The following THADA variants were observed in gnomAD, a reference collection of about 807,000 sequenced individuals.
THADA encodes tRNA (32-2'-O)-methyltransferase regulator THADA.
THADA carries 213 observed loss-of-function variants against 219.8 expected under a neutral mutation model. The observed-to-expected ratio is 0.97, with a 90% CI of 0.87 to 1.09. The LOEUF is 1.09. THADA is among the 50% of genes least tolerant of loss of function. THADA has a pLI of 0.00. For missense variants in THADA, 2,956 were observed against 2,311.3 expected (o/e 1.28, Z -5.72); for synonymous variants, 1,018 against 828.9 (o/e 1.23, Z -3.92).
Position 43,508,712 on chromosome 2 carries a change from C to G in THADA, c.3443G>C (p.Cys1148Ser). 6.2e-7 allele frequency: 1 copy of G among 1,613,744 alleles called. No homozygotes were observed. Among genetic ancestry groups the G allele is most frequent in the Non-Finnish European group, 8.5e-7 (1 of 1,179,728 alleles). ...WLWSVLEEIK[C>S]SDPSSKLCAT... ...ACAGAGTTTAGATGAAGGATCACTG[C>G]ATTTAATTTCCTCTAAAACACTCCA... Residue 1148 changes from cysteine to serine, a missense_variant, in exon 23 of 38, where the codon TGC becomes TCC. Physicochemically the swap from Cys to Ser is moderately radical, Grantham distance 112. Transcript: ENST00000405975.
At chr2:43,389,472 A>G (rs1223715025) in intron 29 of THADA, among the ~76,000 whole-genome samples, 1 of 152,130 alleles carries the variant, frequency 6.6e-6, no homozygotes, top group African/African-American at 2.4e-5. Context: ...AACCATAATA[A>G]TAATAAAACA....
intron 26 of THADA, among the ~76,000 whole-genome samples, chr2:43,446,820 A>C (rs1172145584): frequency 6.6e-6 from 1 of 152,160 alleles, no homozygotes; most frequent in East Asian, 1.9e-4. Context: ...TACTATATTG[A>C]TTCTCTCATA....
intron 16 of THADA, among the ~76,000 whole-genome samples, chr2:43,559,041 C>G (rs542293580): frequency 2.6e-5 from 4 of 152,130 alleles, no homozygotes; most frequent in South Asian, 4.1e-4. Flanking sequence ...CATAATATGC[C>G]TTCTCCATCC....
At position 43,338,079 on chromosome 2, in the gene THADA, C is replaced by T. The variant is rs7557583; in HGVS notation, c.4343+6043G>A. 5.0e-3 allele frequency among the ~76,000 whole-genome samples: 752 copies of T among 151,004 alleles called. 7 individuals carry two copies. Among genetic ancestry groups the T allele is most frequent in the African/African-American group, 0.017 (714 of 41,124 alleles). On this transcript the variant is annotated intron_variant, in intron 30 of 37. Coordinates refer to ENST00000405975, the MANE Select transcript of THADA (RefSeq NM_022065.5). ...GAAATATACATAATATAAACTTTAC[C>T]ATCTTATCCATTTTTGAGTGTACAG...
rs1463898703 is a variant in THADA at position 43,345,771 on chromosome 2, A to T, written c.4228-1534T>A. 2.0e-5 allele frequency among the ~76,000 whole-genome samples: 3 copies of T among 152,186 alleles called. No homozygotes were observed. The South Asian group carries it at 6.2e-4, about 32-fold the overall frequency. ...TTCATGGTGTCACAGGATCGCAATT[A>T]ATCAGCAGACACCAGCAAAATGCAT... On this transcript the variant is annotated intron_variant, in intron 29 of 37. Coordinates refer to ENST00000405975, the MANE Select transcript of THADA (RefSeq NM_022065.5).
rs148465461 is a variant in THADA, at chr2:43,503,849, C to A, written c.3621+1773G>T. Among the ~76,000 whole-genome samples, 553 of 152,116 alleles carry A rather than the reference C, an allele frequency of 3.6e-3. 6 individuals carry two copies. The highest frequency in any genetic ancestry group is 0.013 in the African/African-American group (529 of 41,510). ...TGAAGTAGAGTAGGGCAATAATTAT[C>A]CAGCACTCGTTAAAACCAAGCCCCA... is the stretch of plus-strand genomic sequence containing the variant. On this transcript the variant is annotated intron_variant, in intron 24 of 37. Transcript: ENST00000405975.
intron 22 of THADA, among the ~76,000 whole-genome samples, chr2:43,523,783 CTACAT>C (rs1692799814): frequency 6.6e-6 from 1 of 152,124 alleles, no homozygotes; most frequent in East Asian, 1.9e-4. Context: ...GTAGATTAAG[CTACAT>C]TACAAGTAAA....
chr2:43,533,276 T>C (rs1694127208), intron 21 of THADA, among the ~76,000 whole-genome samples: 1 of 152,182 alleles, frequency 6.6e-6, no homozygotes, highest in Non-Finnish European at 1.5e-5. Flanking sequence ...TAGAAACACT[T>C]TTACACTGTT....
At position 43,522,979 on chromosome 2, in the gene THADA, T is replaced by G. The variant is rs547250598; in HGVS notation, c.3374+4900A>C. 5.3e-5 allele frequency among the ~76,000 whole-genome samples: 8 copies of G among 152,218 alleles called. No homozygotes were observed. The South Asian group carries it at 1.0e-3, about 20-fold the overall frequency. On this transcript the variant is annotated intron_variant, in intron 22 of 37. Transcript: ENST00000405975. Reference sequence around the variant, plus strand: ...CCAAGGTGGCTCATCTCTTAGTTATTCTTTATTTAATTATTCATATTTCAA... The same window carrying G: ...CCAAGGTGGCTCATCTCTTAGTTATGCTTTATTTAATTATTCATATTTCAA...
chr2:43,359,364 C>T (rs576502792), intron 29 of THADA, among the ~76,000 whole-genome samples: 4 of 152,308 alleles, frequency 2.6e-5, no homozygotes, highest in South Asian at 4.1e-4. Flanking sequence ...TGAGCCTCCT[C>T]GGATCCCTGA....
At chr2:43,581,987 C>T in intron 7 of THADA, 59 bp from the exon 8 acceptor site, 1 of 1,284,136 alleles carries the variant, frequency 7.8e-7, no homozygotes, top group Non-Finnish European at 1.0e-6. Flanking sequence ...GTGAACATTT[C>T]TAATTATCAG....
chr2:43,567,779 T>A (rs1334392445), intron 14 of THADA, among the ~76,000 whole-genome samples: 1 of 152,264 alleles, frequency 6.6e-6, no homozygotes, highest in African/African-American at 2.4e-5. Flanking sequence ...CTGAGCACAC[T>A]ATCCTACATA....
At chr2:43,445,069 A>C (rs745456815) in intron 26 of THADA, among the ~76,000 whole-genome samples, 3 of 152,138 alleles carry the variant, frequency 2.0e-5, no homozygotes, top group Admixed American at 6.5e-5. Flanking sequence ...AAACGGAGCT[A>C]TTCCCTAGAT....
chr2:43,334,838 C>A (rs1001524774), intron 30 of THADA, among the ~76,000 whole-genome samples: 1 of 152,096 alleles, frequency 6.6e-6, no homozygotes, highest in East Asian at 1.9e-4. Flanking sequence ...ACTGGGATGG[C>A]GGCCCAGACA....
chr2:43,233,843 A>G (rs970944561), intron 36 of THADA, among the ~76,000 whole-genome samples: 6 of 152,130 alleles, frequency 3.9e-5, no homozygotes, highest in African/African-American at 7.2e-5. Flanking sequence ...CCCACTGCAC[A>G]ATGGACCTCT....
intron 15 of THADA, chr2:43,563,188 A>G (rs183122221): frequency 6.6e-6 from 1 of 152,352 alleles, no homozygotes; most frequent in East Asian, 1.9e-4. Context: ...ATTTACAGCT[A>G]TAACTTTCCC....
chr2:43,523,694 C>A (rs1392865434), intron 22 of THADA, among the ~76,000 whole-genome samples: 2 of 152,052 alleles, frequency 1.3e-5, no homozygotes, highest in Non-Finnish European at 2.9e-5. Context: ...TATTTAATGA[C>A]AAAAACTACT....
At chr2:43,560,489 C>T (rs1697930428) in intron 15 of THADA, 104 bp from the exon 16 acceptor site, 2 of 792,306 alleles carry the variant, frequency 2.5e-6, no homozygotes, top group East Asian at 2.9e-5. Context: ...CAAAAAACCA[C>T]ACTTCATACT....
At chr2:43,381,952 C>A (rs1672087862) in intron 29 of THADA, among the ~76,000 whole-genome samples, 1 of 152,102 alleles carries the variant, frequency 6.6e-6, no homozygotes, top group South Asian at 2.1e-4. Context: ...AATGGCAAAT[C>A]ACCTCAGTGG....
Sources: gnomAD v4.1 joint callset for allele counts (sites outside exome capture counted in the v4.1 genomes callset) on GRCh38, gnomAD v4.1.1 for gene constraint, MANE v1.5 for transcripts, NCBI Gene and HGNC (gene_info 2026-07-23, HGNC 2026-07-21) for gene names.